The following CDC45 variants were observed in gnomAD, a reference collection of about 807,000 sequenced individuals.
The protein encoded by CDC45 is cell division cycle 45.
CDC45 carries 54 observed loss-of-function variants against 77.8 expected under a neutral mutation model. The ratio of observed to expected loss-of-function variants is 0.69; its 90% CI spans 0.56 to 0.87. CDC45 has a LOEUF of 0.87. Ranked by LOEUF, CDC45 falls within the 40% of genes least tolerant of loss-of-function variation. The pLI is 0.00. For missense variants in CDC45, 649 were observed against 721.6 expected (o/e 0.90, Z 1.15); for synonymous variants, 260 against 272.1 (o/e 0.96, Z 0.44).
Position 19,518,862 on chromosome 22 carries a change from A to C in CDC45, c.1655A>C (p.Glu552Ala). 1 of 1,614,042 alleles carries C rather than the reference A, an allele frequency of 6.2e-7. No individual in the cohort carries two copies. The highest frequency in any genetic ancestry group is 8.5e-7 in the Non-Finnish European group (1 of 1,179,958). The change falls in exon 18 of 19, where the codon GAG (glutamate) becomes GCG (alanine). Residue 552 changes from glutamate (E) to alanine (A), a missense_variant. By Grantham distance (107) the Glu-to-Ala change is moderately radical. Transcript: ENST00000263201. ...ACTTCAGTAATTGAGCTGAAAGCTG[A>C]GGATCGGAGCAAGTTTCTGGACGCA... is the stretch of plus-strand genomic sequence containing the variant. ...FDLSVIELKAEDRSKFLDALI... is the reference protein window; with the variant it reads ...FDLSVIELKAADRSKFLDALI...
chr22:19,496,020 T>G lies in CDC45; in HGVS notation c.582T>G (p.His194Gln), dbSNP rs777689461. 1 of 1,607,446 alleles carries G rather than the reference T, an allele frequency of 6.2e-7. No homozygotes were observed. The highest frequency in any genetic ancestry group is 8.5e-7 in the Non-Finnish European group (1 of 1,174,170). Residue 194 changes from histidine (H) to glutamine (Q), a missense_variant, in exon 7 of 19, where the codon CAT (histidine) becomes CAG (glutamine). By Grantham distance (24) the His-to-Gln change is conservative. Coordinates refer to ENST00000263201, the MANE Select transcript of CDC45 (RefSeq NM_003504.5). ...TTGACTACGAGCAGTATGAATATCA[T>G]GGGACATCGGTAAGTATGAATAGGT... ...ILFDYEQYEY[H>Q]GTSSAMVMFE... is the part of the protein sequence containing the mutation.
At chr22:19,507,943 C>A in intron 12 of CDC45, 79 bp downstream of exon 12, 2 of 992,120 alleles carry the variant, frequency 2.0e-6, no homozygotes, top group Non-Finnish European at 1.5e-6. Flanking sequence ...AACTGTGCTC[C>A]TAAAATAATG....
intron 10 of CDC45, among the ~76,000 whole-genome samples, chr22:19,506,612 C>G (rs1274239578): frequency 6.6e-6 from 1 of 152,088 alleles, no homozygotes; most frequent in Non-Finnish European, 1.5e-5. Flanking sequence ...GCTCACGGTG[C>G]CAGGGGCAGT....
At position 19,484,022 on chromosome 22, in the gene CDC45, C is replaced by CA; in HGVS notation, c.486+18dup. Reference sequence around the variant, plus strand: ...TTAGAAGAGGTGAGTTTGGGTCTCTCACAGCTATCCCAGAGGAACTTGCAC... The same window carrying CA: ...TTAGAAGAGGTGAGTTTGGGTCTCTCAACAGCTATCCCAGAGGAACTTGCAC... On this transcript the variant is annotated intron_variant, in intron 5 of 18. Coordinates refer to ENST00000263201, the MANE Select transcript of CDC45 (RefSeq NM_003504.5). The CA allele has an allele frequency of 1.9e-6, 3 of 1,582,002 alleles. No homozygotes were observed. Among genetic ancestry groups the CA allele is most frequent in the Non-Finnish European group, 2.6e-6 (3 of 1,170,014 alleles).
At position 19,497,112 on chromosome 22, in the gene CDC45, C is replaced by T. The variant is rs568252072; in HGVS notation, c.592-274C>T. ...AGCCAGTGCTGCACCCGGGCTGCCC[C>T]TACCAAGTGAATTCTTCCCTTGCTA... is the stretch of plus-strand genomic sequence containing the variant. On this transcript the variant is annotated intron_variant, in intron 7 of 18. Coordinates refer to ENST00000263201, the MANE Select transcript of CDC45 (RefSeq NM_003504.5). 1.8e-4 allele frequency among the ~76,000 whole-genome samples: 28 copies of T among 152,320 alleles called. No homozygotes were observed. The South Asian group carries it at 4.6e-3, about 25-fold the overall frequency.
chr22:19,488,052 A>G (rs1195608054), intron 5 of CDC45, among the ~76,000 whole-genome samples: 9 of 152,238 alleles, frequency 5.9e-5, no homozygotes, highest in Admixed American at 5.2e-4. Context: ...AAAAATAACC[A>G]TAATTATACT....
chr22:19,481,164 A>G (rs1407674500), intron 3 of CDC45, 119 bp downstream of exon 3: 2 of 622,672 alleles, frequency 3.2e-6, no homozygotes, highest in Non-Finnish European at 5.6e-6. Flanking sequence ...ATTAGGCAAT[A>G]TGGAAGAGAA....
chr22:19,505,288 A>AT, intron 9 of CDC45, 74 bp from the exon 10 acceptor site: 1 of 1,597,000 alleles, frequency 6.3e-7, no homozygotes, highest in Non-Finnish European at 8.6e-7. Flanking sequence ...TTGAGCGGGA[A>AT]TGGAGCCTAG....
intron 10 of CDC45, among the ~76,000 whole-genome samples, chr22:19,506,575 T>C (rs563217867): frequency 1.3e-5 from 2 of 152,002 alleles, no homozygotes; most frequent in South Asian, 2.1e-4. Context: ...AAATCCACCG[T>C]GGGGGACAGT....
chr22:19,508,775 G>C, intron 13 of CDC45, 84 bp downstream of exon 13: 2 of 1,325,766 alleles, frequency 1.5e-6, no homozygotes, highest in Non-Finnish European at 2.1e-6. Flanking sequence ...GGGACCCCAG[G>C]GCTGTGGGAG....
At chr22:19,491,858 ACT>A (rs1370777241) in intron 5 of CDC45, among the ~76,000 whole-genome samples, 1 of 148,988 alleles carries the variant, frequency 6.7e-6, no homozygotes, top group African/African-American at 2.5e-5. Context: ...GCAGAGTCTC[ACT>A]CTGTCTCCCA....
In CDC45 at chr22:19,505,478, A is replaced by T. The variant is rs753395424; in HGVS notation, c.821A>T (p.Tyr274Phe). 57 of 1,613,942 alleles carry T rather than the reference A, an allele frequency of 3.5e-5. No individual in the cohort carries two copies. Among genetic ancestry groups the T allele is most frequent in the Non-Finnish European group, 4.7e-5 (55 of 1,179,986 alleles). ...GACTGCACACGGATCTCCTTTGAGT[A>T]TGAGTATCCTTGTGGCCCAGCCTGA... ...SVDCTRISFE[Y>F]DLRLVLYQHW... Residue 274 changes from tyrosine to phenylalanine, a missense_variant, in exon 10 of 19, where the codon TAT (tyrosine) becomes TTT (phenylalanine). Transcript: ENST00000263201.
At chr22:19,494,219 CAG>C (rs2090201566) in intron 5 of CDC45, 106 bp from the exon 6 acceptor site, 1 of 893,886 alleles carries the variant, frequency 1.1e-6, no homozygotes, top group Non-Finnish European at 1.8e-6. Flanking sequence ...TGTTCTCTCT[CAG>C]GGGTCTGGGC....
At chr22:19,509,171 A>G (rs1933380603) in intron 13 of CDC45, among the ~76,000 whole-genome samples, 1 of 152,198 alleles carries the variant, frequency 6.6e-6, no homozygotes, top group South Asian at 2.1e-4. Context: ...AAGACATCAG[A>G]GAAAAATATC....
chr22:19,505,340 C>T, intron 9 of CDC45, 22 bp from the exon 10 acceptor site: 1 of 1,613,998 alleles, frequency 6.2e-7, no homozygotes, highest in Non-Finnish European at 8.5e-7. Context: ...CCAGCCGAGG[C>T]TTGTGCTACT....
At chr22:19,486,683 G>GTA (rs1048080363) in intron 5 of CDC45, among the ~76,000 whole-genome samples, 3 of 151,914 alleles carry the variant, frequency 2.0e-5, no homozygotes, top group Non-Finnish European at 4.4e-5. Context: ...TATATTAGAG[G>GTA]TATATATATA....
chr22:19,505,385 G>C lies in CDC45; in HGVS notation c.728G>C (p.Gly243Ala), dbSNP rs1479680835. The C allele has an allele frequency of 6.2e-7, 1 of 1,614,030 alleles. No individual in the cohort carries two copies. The highest frequency in any genetic ancestry group is 1.7e-5 in the Admixed American group (1 of 60,018). The part of the protein sequence containing the change: ...ITQMKYVTDV[G>A]VLQRHVSRHN... ...AGAATGAAATACGTGACTGATGTTG[G>C]TGTCCTGCAGCGCCACGTTTCCCGC... is the stretch of plus-strand genomic sequence containing the variant. The change falls in exon 10 of 19, where the codon GGT becomes GCT. Residue 243 changes from glycine (G) to alanine (A), a missense_variant. By Grantham distance (60) the Gly-to-Ala change is moderately conservative. Transcript: ENST00000263201.
intron 13 of CDC45, among the ~76,000 whole-genome samples, chr22:19,510,460 C>T (rs1157691653): frequency 3.3e-5 from 5 of 152,072 alleles, no homozygotes; most frequent in Admixed American, 2.0e-4. Flanking sequence ...TCTTTGTGAC[C>T]GGGTTCTTCA....
At chr22:19,480,131 T>C (rs772178559) in intron 1 of CDC45, 27 bp from the exon 2 acceptor site, 1 of 1,613,794 alleles carries the variant, frequency 6.2e-7, no homozygotes, top group Admixed American at 1.7e-5. Flanking sequence ...GGTCGCCGTG[T>C]TCAGCCGGTC....
Sources: gnomAD v4.1 joint callset for allele counts (sites outside exome capture counted in the v4.1 genomes callset) on GRCh38, gnomAD v4.1.1 for gene constraint, MANE v1.5 for transcripts, NCBI Gene and HGNC (gene_info 2026-07-23, HGNC 2026-07-21) for gene names.